FAM229B: variants seen among roughly 807,000 people sequenced by gnomAD.
FAM229B encodes protein FAM229B.
FAM229B carries 2 observed loss-of-function variants against 6.7 expected under a neutral mutation model. That is an observed-to-expected ratio of 0.30 (90% confidence interval 0.12 to 0.94). FAM229B has a LOEUF of 0.94. Ranked by LOEUF, FAM229B falls within the 40% of genes least tolerant of loss-of-function variation. The pLI is 0.54. For missense variants in FAM229B, 93 were observed against 96.2 expected (o/e 0.97, Z 0.14); for synonymous variants, 29 against 34.0 (o/e 0.85, Z 0.51).
chr6:112,090,249 ATC>A (rs1450353929), intron 1 of FAM229B, among the ~76,000 whole-genome samples: 3 of 152,210 alleles, frequency 2.0e-5, no homozygotes. Flanking sequence ...TTCTGAGCTC[ATC>A]TCTTTCTCAT....
intron 1 of FAM229B, among the ~76,000 whole-genome samples, chr6:112,095,465 C>G (rs1344973929): frequency 2.0e-5 from 3 of 151,266 alleles, no homozygotes; most frequent in African/African-American, 7.3e-5. Context: ...AACCCTCTAT[C>G]TACAAAAAAA....
chr6:112,092,443 G>A (rs587706128), intron 1 of FAM229B, among the ~76,000 whole-genome samples: 138 of 152,056 alleles, frequency 9.1e-4, no homozygotes, highest in Admixed American at 3.8e-3. Context: ...ACTGCTAATT[G>A]AGAATTCTAT....
chr6:112,090,677 G>A (rs1777246430), intron 1 of FAM229B, among the ~76,000 whole-genome samples: 1 of 151,776 alleles, frequency 6.6e-6, no homozygotes, highest in Admixed American at 6.6e-5. Flanking sequence ...CCCCCTTCTG[G>A]CACTCAGGCT....
chr6:112,099,445 A>AT, intron 3 of FAM229B, 37 bp downstream of exon 3: 1 of 1,572,706 alleles, frequency 6.4e-7, no homozygotes, highest in East Asian at 2.3e-5. Context: ...GGAGATATGT[A>AT]TTGGCTATCA....
In FAM229B at chr6:112,100,741, C is replaced by A; in HGVS notation, c.197C>A (p.Thr66Lys). 6.2e-7 allele frequency: 1 copy of A among 1,613,972 alleles called. No homozygotes were observed. Among genetic ancestry groups the A allele is most frequent in the Non-Finnish European group, 8.5e-7 (1 of 1,179,920 alleles). Residue 66 changes from threonine (T) to lysine (K), a missense_variant, in exon 4 of 4, where the codon ACG becomes AAG. Physicochemically the swap from Thr to Lys is moderately conservative, Grantham distance 78. Coordinates refer to ENST00000368656, the MANE Select transcript of FAM229B (RefSeq NM_001033564.3). Reference sequence around the variant, plus strand: ...GTTCCCGTCACTGTTTATGCAACAACGAGAAAGCCACCTGCACAAAGCAGC... The same window carrying A: ...GTTCCCGTCACTGTTTATGCAACAAAGAGAAAGCCACCTGCACAAAGCAGC... Reference protein sequence around the residue: ...TDVPVTVYATTRKPPAQSSKE... With the variant: ...TDVPVTVYATKRKPPAQSSKE...
In FAM229B at chr6:112,100,798, T is replaced by G; in HGVS notation, c.*11T>G. On this transcript the variant is annotated 3_prime_UTR_variant, in exon 4 of 4. Transcript: ENST00000368656. Reference sequence around the variant, plus strand: ...ATGCATCCTAAATAGCACCATTAAGTCTTTTGTCAAGGTCTGACTAGGTCA... The same window carrying G: ...ATGCATCCTAAATAGCACCATTAAGGCTTTTGTCAAGGTCTGACTAGGTCA... 6.3e-7 allele frequency: 1 copy of G among 1,599,660 alleles called. No individual in the cohort carries two copies. Among genetic ancestry groups the G allele is most frequent in the Non-Finnish European group, 8.6e-7 (1 of 1,166,924 alleles).
intron 1 of FAM229B, among the ~76,000 whole-genome samples, chr6:112,087,958 A>G (rs1225553744): frequency 2.6e-5 from 4 of 152,212 alleles, no homozygotes; most frequent in African/African-American, 4.8e-5. Context: ...TCAGGGCACA[A>G]TTGAAACTAG....
At chr6:112,089,054 G>T (rs1207126113) in intron 1 of FAM229B, among the ~76,000 whole-genome samples, 1 of 152,150 alleles carries the variant, frequency 6.6e-6, no homozygotes, top group Non-Finnish European at 1.5e-5. Context: ...ATGCAAACCC[G>T]GGTGAGCCAA....
At chr6:112,098,072 A>G (rs1554318859) in intron 2 of FAM229B, among the ~76,000 whole-genome samples, 1 of 152,122 alleles carries the variant, frequency 6.6e-6, no homozygotes, top group African/African-American at 2.4e-5. Context: ...AGTGCACAGG[A>G]CAGTATCCTC....
intron 1 of FAM229B, among the ~76,000 whole-genome samples, chr6:112,088,424 T>C (rs587617977): frequency 1.5e-3 from 228 of 152,360 alleles, no homozygotes; most frequent in Non-Finnish European, 2.5e-3. Context: ...AAATTAATAT[T>C]TTCCACAAAA....
intron 2 of FAM229B, among the ~76,000 whole-genome samples, chr6:112,098,915 A>G (rs1777359788): frequency 1.3e-5 from 2 of 152,236 alleles, no homozygotes; most frequent in South Asian, 4.1e-4. Flanking sequence ...GTTGTGAAAT[A>G]CAGTATTTTA....
intron 1 of FAM229B, among the ~76,000 whole-genome samples, chr6:112,089,076 T>C (rs190376684): frequency 1.9e-3 from 296 of 152,290 alleles, no homozygotes; most frequent in African/African-American, 6.7e-3. Context: ...TTGAGATCGG[T>C]TGAACCGCAG....
intron 1 of FAM229B, among the ~76,000 whole-genome samples, chr6:112,093,667 C>G (rs1376994181): frequency 1.3e-5 from 2 of 151,904 alleles, no homozygotes; most frequent in Admixed American, 6.6e-5. Flanking sequence ...CGAATATTCT[C>G]TGACAAAAAT....
chr6:112,100,652 A>G lies in FAM229B; in HGVS notation c.126-18A>G, dbSNP rs781825917. ...TCTTTTTAGTATCTAACTACATGTC[A>G]TCTGCTTTTTTATTCAGGCAACTCC... On this transcript the variant is annotated intron_variant, in intron 3 of 3. Transcript: ENST00000368656. 8 of 1,554,692 alleles carry G rather than the reference A, an allele frequency of 5.1e-6. No individual in the cohort carries two copies. The highest frequency in any genetic ancestry group is 2.2e-5 in the South Asian group (2 of 89,400).
At chr6:112,088,066 G>T (rs17073323) in intron 1 of FAM229B, among the ~76,000 whole-genome samples, 2 of 152,206 alleles carry the variant, frequency 1.3e-5, no homozygotes, top group African/African-American at 2.4e-5. Flanking sequence ...TTGTAGGCTC[G>T]CTGGGAAGAT....
At chr6:112,091,092 C>A (rs12198227) in intron 1 of FAM229B, among the ~76,000 whole-genome samples, 44,922 of 151,912 alleles carry the variant, frequency 0.3, 6,982 homozygotes, top group African/African-American at 0.4. Context: ...GATTCCACAT[C>A]TAAGTGGAGT....
chr6:112,096,797 TAAGAG>T (rs1267086690), intron 1 of FAM229B, among the ~76,000 whole-genome samples: 1 of 152,098 alleles, frequency 6.6e-6, no homozygotes, highest in Non-Finnish European at 1.5e-5. Context: ...TGGGATGTTA[TAAGAG>T]AAGGTCTGGG....
intron 1 of FAM229B, among the ~76,000 whole-genome samples, chr6:112,090,749 T>C (rs180698098): frequency 1.2e-3 from 177 of 152,312 alleles, no homozygotes; most frequent in African/African-American, 4.0e-3. Flanking sequence ...TTAATTATTG[T>C]GTATATTAAT....
At chr6:112,088,612 A>C (rs190353496) in intron 1 of FAM229B, among the ~76,000 whole-genome samples, 10 of 152,190 alleles carry the variant, frequency 6.6e-5, no homozygotes, top group African/African-American at 2.2e-4. Context: ...GTAGGTTTAA[A>C]GTTGCAATGG....
Sources: gnomAD v4.1 joint callset for allele counts (sites outside exome capture counted in the v4.1 genomes callset) on GRCh38, gnomAD v4.1.1 for gene constraint, MANE v1.5 for transcripts, NCBI Gene and HGNC (gene_info 2026-07-23, HGNC 2026-07-21) for gene names.